The following USP40 variants were observed in gnomAD, a reference collection of about 807,000 sequenced individuals.
The protein encoded by USP40 is ubiquitin carboxyl-terminal hydrolase 40.
A neutral mutation model predicts 166.2 loss-of-function variants in USP40; 143 were observed. The observed-to-expected ratio is 0.86, with a 90% CI of 0.75 to 0.99. The LOEUF (loss-of-function observed/expected upper bound fraction) is 0.99. Among genes scored for constraint, USP40 ranks in the 50% least tolerant of loss-of-function variants. The pLI, the probability that USP40 is intolerant of heterozygous loss-of-function variation, is 0.00. For missense variants in USP40, 1,444 were observed against 1,479.7 expected, an observed-to-expected ratio of 0.98 and a Z score of 0.40; for synonymous variants, 498 against 524.0, an observed-to-expected ratio of 0.95 and a Z score of 0.68.
intron 4 of USP40, among the ~76,000 whole-genome samples, chr2:233,558,189 C>T (rs953880406): frequency 1.3e-5 from 2 of 151,776 alleles, no homozygotes; most frequent in Non-Finnish European, 2.9e-5. Flanking sequence ...AACAATCCTA[C>T]ACTTCGCAAA....
chr2:233,522,123 G>A (rs919187185), intron 16 of USP40, among the ~76,000 whole-genome samples: 3 of 152,142 alleles, frequency 2.0e-5, no homozygotes, highest in African/African-American at 4.8e-5. Flanking sequence ...GCCATTCAAG[G>A]CAGTTTATAA....
rs902615310 is a variant in USP40 at position 233,477,092 on chromosome 2, T to C, written c.*300A>G. On this transcript the variant is annotated 3_prime_UTR_variant, in exon 32 of 32. Transcript: ENST00000678225. ...CTGCGGTTCACGCACACGTTGTGCA[T>C]TTTCTGGTTAAAAGAAAAAAAAAGG... 3 of 404,004 alleles carry C rather than the reference T, an allele frequency of 7.4e-6. No individual in the cohort carries two copies. The highest frequency in any genetic ancestry group is 1.4e-5 in the Non-Finnish European group (3 of 212,348). 25.0% of individuals were successfully genotyped at this position (404,004 alleles called of 1,614,324 possible).
At chr2:233,488,111 G>C in intron 28 of USP40, 128 bp downstream of exon 28, 1 of 791,264 alleles carries the variant, frequency 1.3e-6, no homozygotes, top group South Asian at 1.5e-5. Context: ...CACACACTCT[G>C]TTTCAAGTTG....
chr2:233,477,529 G>A, intron 31 of USP40, 26 bp from the exon 32 acceptor site: 1 of 1,595,564 alleles, frequency 6.3e-7, no homozygotes, highest in Middle Eastern at 1.7e-4. Flanking sequence ...CACTGTCATT[G>A]ACTCATGGAT....
intron 25 of USP40, chr2:233,492,720 T>C (rs1327766877): frequency 6.6e-6 from 1 of 152,158 alleles, no homozygotes; most frequent in Non-Finnish European, 1.5e-5. Flanking sequence ...GAAATATAAG[T>C]AATATACTTC....
chr2:233,517,478 G>A lies in USP40; in HGVS notation c.2383+2136C>T, dbSNP rs1274945146. ...CGGCTCACTACAAGCTCTGCCTCCC[G>A]GGTTCACGCCATTCTCCAGCCTCAG... On this transcript the variant is annotated intron_variant, in intron 18 of 31. Coordinates refer to ENST00000678225, the MANE Select transcript of USP40 (RefSeq NM_001365479.2). Among the ~76,000 whole-genome samples, 29 of 145,260 alleles carry A rather than the reference G, an allele frequency of 2.0e-4. 1 individual carries two copies. The highest frequency in any genetic ancestry group is 3.4e-3 in the Middle Eastern group (1 of 298).
intron 18 of USP40, among the ~76,000 whole-genome samples, chr2:233,517,379 G>GTTTTTTTTTTTTTT (rs202226925): frequency 5.8e-5 from 8 of 137,130 alleles, no homozygotes; most frequent in Non-Finnish European, 7.7e-5. Flanking sequence ...CACATGCATG[G>GTTTTTTTTTTTTTT]TTTTTTGTTT....
chr2:233,505,685 C>T (rs368325958), intron 21 of USP40, among the ~76,000 whole-genome samples: 13 of 152,070 alleles, frequency 8.5e-5, no homozygotes, highest in African/African-American at 3.1e-4. Context: ...GTAATAAAGT[C>T]TTTCATCAAA....
At chr2:233,484,407 T>C (rs935840093) in intron 30 of USP40, among the ~76,000 whole-genome samples, 1 of 152,230 alleles carries the variant, frequency 6.6e-6, no homozygotes, top group Non-Finnish European at 1.5e-5. Flanking sequence ...GGTTTTATAC[T>C]GATCTTGGAC....
chr2:233,497,892 C>G (rs755528136), intron 23 of USP40, among the ~76,000 whole-genome samples: 3 of 152,210 alleles, frequency 2.0e-5, no homozygotes, highest in Non-Finnish European at 4.4e-5. Context: ...TGCTGGCATT[C>G]AGTGCCCCTT....
chr2:233,528,432 T>G (rs189613401), intron 12 of USP40, among the ~76,000 whole-genome samples: 1 of 152,280 alleles, frequency 6.6e-6, no homozygotes, highest in East Asian at 1.9e-4. Context: ...CTGACCAATG[T>G]GGAGCTGGAA....
intron 21 of USP40, among the ~76,000 whole-genome samples, chr2:233,506,519 T>C (rs891443802): frequency 1.3e-5 from 2 of 151,866 alleles, no homozygotes; most frequent in African/African-American, 4.8e-5. Context: ...TATAGCAAAC[T>C]AAAAAGCTTT....
chr2:233,540,997 T>C (rs2069358442), intron 9 of USP40, among the ~76,000 whole-genome samples: 1 of 152,208 alleles, frequency 6.6e-6, no homozygotes, highest in African/African-American at 2.4e-5. Flanking sequence ...CATCTTCCAT[T>C]TGAAGAGCAA....
At chr2:233,564,557 C>T (rs2071962719) in intron 2 of USP40, among the ~76,000 whole-genome samples, 1 of 152,000 alleles carries the variant, frequency 6.6e-6, no homozygotes, top group South Asian at 2.1e-4. Flanking sequence ...TTCTGAGATC[C>T]CCTATATTCT....
chr2:233,482,818 GC>G (rs940504743), intron 30 of USP40, among the ~76,000 whole-genome samples: 190 of 152,302 alleles, frequency 1.2e-3, no homozygotes, highest in African/African-American at 4.4e-3. Flanking sequence ...ACAGGCGTGA[GC>G]CACTGCGCCT....
chr2:233,561,194 C>A (rs899375070), intron 3 of USP40: 42 of 1,576,428 alleles, frequency 2.7e-5, no homozygotes, highest in Non-Finnish European at 3.2e-5. Context: ...TTCAAACAAA[C>A]CAAGCTCTTC....
chr2:233,532,985 AAGG>A (rs1172253268), intron 11 of USP40, among the ~76,000 whole-genome samples: 1 of 152,150 alleles, frequency 6.6e-6, no homozygotes, highest in African/African-American at 2.4e-5. Flanking sequence ...CAGGAAAATA[AAGG>A]AGAAGATATG....
intron 5 of USP40, chr2:233,556,558 C>T (rs2071117097): frequency 5.6e-6 from 1 of 177,624 alleles, no homozygotes; most frequent in Admixed American, 6.2e-5. Context: ...ACCATGATGA[C>T]ACTGGCTTCT....
chr2:233,546,231 T>A (rs1193733502), intron 8 of USP40: 2 of 152,242 alleles, frequency 1.3e-5, no homozygotes, highest in African/African-American at 4.8e-5. Context: ...GCTGATCAAT[T>A]CTGAAGAAAT....
Sources: allele counts gnomAD v4.1 joint callset (sites outside exome capture counted in the v4.1 genomes callset), GRCh38; gene constraint gnomAD v4.1.1; transcripts MANE v1.5; gene names NCBI Gene and HGNC (gene_info 2026-07-23, HGNC 2026-07-21).